The following RBFOX1 variants were observed in gnomAD, a reference collection of about 807,000 sequenced individuals.
RBFOX1 encodes RNA binding fox-1 homolog 1, also known as RNA binding protein fox-1 homolog 1.
A neutral mutation model predicts 57.7 loss-of-function variants in RBFOX1; 8 were observed. The ratio of observed to expected loss-of-function variants is 0.14; its 90% CI spans 0.08 to 0.25. The LOEUF is 0.25. Among genes scored for constraint, RBFOX1 ranks in the 10% least tolerant of loss-of-function variants. The pLI is 1.00. For missense variants in RBFOX1, 611 were observed against 548.5 expected (o/e 1.11, Z -1.14); for synonymous variants, 326 against 222.4 (o/e 1.47, Z -4.15).
rs111917166 is a variant in RBFOX1, at chr16:6,465,884, T to TTGTGTG, written c.-64+148841_-64+148846dup. Among the ~76,000 whole-genome samples the TTGTGTG allele has an allele frequency of 3.4e-3, 489 of 145,868 alleles. 2 individuals carry two copies. The highest frequency in any genetic ancestry group is 4.5e-3 in the Non-Finnish European group (296 of 65,732). ...TTGGAAACTAAATACATTTGTGTGTTTGTGTGTGTGTGTGTGTGTTCTTTA... is the reference window on the plus strand; with the variant it reads ...TTGGAAACTAAATACATTTGTGTGTTTGTGTGTGTGTGTGTGTGTGTGTGTTCTTTA... On this transcript the variant is annotated intron_variant, in intron 2 of 15. Coordinates refer to ENST00000550418, the MANE Select transcript of RBFOX1 (RefSeq NM_018723.4).
intron 3 of RBFOX1, among the ~76,000 whole-genome samples, chr16:5,624,506 C>G (rs899787240): frequency 2.0e-5 from 3 of 152,232 alleles, no homozygotes; most frequent in Non-Finnish European, 4.4e-5. Context: ...CACCCAGAGA[C>G]TTTTAAAGCT....
rs1483832597 is a variant in RBFOX1 at position 7,182,806 on chromosome 16, T to A, written c.27+130708T>A. Among the ~76,000 whole-genome samples, 6 of 152,308 alleles carry A rather than the reference T, an allele frequency of 3.9e-5. No individual in the cohort carries two copies. The East Asian group carries it at 1.2e-3, about 29-fold the overall frequency. On this transcript the variant is annotated intron_variant, in intron 4 of 15. Coordinates refer to ENST00000550418, the MANE Select transcript of RBFOX1 (RefSeq NM_018723.4). Reference sequence around the variant, plus strand: ...CACTTTGTACTAAATCCCTTAGAAATGCCTTCCCTTAATCTCCACATTCCT... The same window carrying A: ...CACTTTGTACTAAATCCCTTAGAAAAGCCTTCCCTTAATCTCCACATTCCT...
At chr16:6,300,025 T>G (rs2078628785) in intron 1 of RBFOX1, among the ~76,000 whole-genome samples, 2 of 152,182 alleles carry the variant, frequency 1.3e-5, no homozygotes. Context: ...GACAAGGACA[T>G]TCTGTCATTT....
chr16:7,498,313 A>G (rs931462206), intron 4 of RBFOX1, among the ~76,000 whole-genome samples: 1 of 152,166 alleles, frequency 6.6e-6, no homozygotes, highest in Non-Finnish European at 1.5e-5. Context: ...GTTCAATCTT[A>G]GCTCTATTAA....
At chr16:6,139,905 T>C (rs1445015181) in intron 1 of RBFOX1, among the ~76,000 whole-genome samples, 1 of 152,202 alleles carries the variant, frequency 6.6e-6, no homozygotes, top group African/African-American at 2.4e-5. Flanking sequence ...TCCATCAGTC[T>C]CTCTTAGCAG....
intron 4 of RBFOX1, among the ~76,000 whole-genome samples, chr16:6,000,623 G>A (rs2060581309): frequency 2.6e-5 from 4 of 152,052 alleles, no homozygotes. Context: ...AATATTTGTT[G>A]AATGGATGGA....
At chr16:6,295,494 C>G (rs2078000693) in intron 1 of RBFOX1, among the ~76,000 whole-genome samples, 1 of 152,114 alleles carries the variant, frequency 6.6e-6, no homozygotes. Context: ...GTGCTATTAC[C>G]AAGTTTTACT....
At chr16:7,212,044 GC>G (rs1567725918) in intron 4 of RBFOX1, among the ~76,000 whole-genome samples, 4 of 152,084 alleles carry the variant, frequency 2.6e-5, no homozygotes, top group African/African-American at 9.7e-5. Context: ...GAAAAGTGGG[GC>G]CAAGAAGGTT....
chr16:5,923,481 GAGGAC>G (rs2058873103), intron 4 of RBFOX1, among the ~76,000 whole-genome samples: 1 of 150,968 alleles, frequency 6.6e-6, no homozygotes, highest in Non-Finnish European at 1.5e-5. Flanking sequence ...ACGGAGAGCA[GAGGAC>G]AGATTGCGAA....
Position 7,090,626 on chromosome 16 carries a change from T to G in RBFOX1, c.27+38528T>G, listed in dbSNP as rs917809331. 9.2e-5 allele frequency among the ~76,000 whole-genome samples: 14 copies of G among 152,198 alleles called. 1 individual carries two copies. The highest frequency in any genetic ancestry group is 1.7e-4 in the African/African-American group (7 of 41,442). ...AAGGTTTTCCTATCAAAAATAAATT[T>G]TGTAGTTTTCGTTGTATTTTATTTT... On this transcript the variant is annotated intron_variant, in intron 4 of 15. Transcript: ENST00000550418.
chr16:5,538,402 A>G (rs993901474), intron 2 of RBFOX1, among the ~76,000 whole-genome samples: 6 of 142,210 alleles, frequency 4.2e-5, no homozygotes, highest in Non-Finnish European at 4.8e-5. Context: ...TATGCATGCC[A>G]TAATAAACTA....
intron 4 of RBFOX1, among the ~76,000 whole-genome samples, chr16:7,299,124 T>C (rs1157973451): frequency 2.6e-5 from 4 of 152,230 alleles, no homozygotes; most frequent in African/African-American, 7.2e-5. Flanking sequence ...AATATTAATA[T>C]CATCTCCAGG....
At chr16:6,614,928 T>C (rs939887800) in intron 2 of RBFOX1, among the ~76,000 whole-genome samples, 1 of 152,222 alleles carries the variant, frequency 6.6e-6, no homozygotes. Context: ...TCACCGTATC[T>C]TTTTGTTGCT....
intron 1 of RBFOX1, among the ~76,000 whole-genome samples, chr16:6,115,514 T>G (rs191671918): frequency 1.7e-3 from 260 of 152,276 alleles, no homozygotes; most frequent in Non-Finnish European, 3.1e-3. Flanking sequence ...TGGGCTATAG[T>G]GAGATCTGTA....
At chr16:5,307,531 C>T (rs1240769678) in intron 1 of RBFOX1, among the ~76,000 whole-genome samples, 3 of 152,186 alleles carry the variant, frequency 2.0e-5, no homozygotes, top group Non-Finnish European at 2.9e-5. Flanking sequence ...GCCACCCTCA[C>T]CCCTGTTCAT....
chr16:7,064,013 T>G (rs181029254), intron 4 of RBFOX1, among the ~76,000 whole-genome samples: 7 of 152,298 alleles, frequency 4.6e-5, no homozygotes, highest in African/African-American at 1.4e-4. Flanking sequence ...TTATATGGGC[T>G]GAGTTGTGTC....
At chr16:6,043,340 G>C (rs1467589003) in intron 1 of RBFOX1, among the ~76,000 whole-genome samples, 1 of 152,072 alleles carries the variant, frequency 6.6e-6, no homozygotes, top group African/African-American at 2.4e-5. Context: ...GTTCTTCATA[G>C]ATTCAGAAAA....
At chr16:6,472,878 G>A (rs1168722298) in intron 2 of RBFOX1, among the ~76,000 whole-genome samples, 1 of 151,944 alleles carries the variant, frequency 6.6e-6, no homozygotes, top group African/African-American at 2.4e-5. Context: ...ACCCACCTCG[G>A]CCTCCCAAAG....
intron 4 of RBFOX1, among the ~76,000 whole-genome samples, chr16:7,059,543 T>A (rs1035961964): frequency 6.6e-6 from 1 of 152,112 alleles, no homozygotes. Context: ...TTGACAACCA[T>A]TGGCAAAAAA....
Sources: gnomAD v4.1 joint callset for allele counts (sites outside exome capture counted in the v4.1 genomes callset) on GRCh38, gnomAD v4.1.1 for gene constraint, MANE v1.5 for transcripts, NCBI Gene and HGNC (gene_info 2026-07-23, HGNC 2026-07-21) for gene names.